TMEM121B: variants seen among roughly 807,000 people sequenced by gnomAD.
The protein encoded by TMEM121B is transmembrane protein 121B, also known as cat eye syndrome chromosome region, candidate 6.
TMEM121B carries 14 observed loss-of-function variants against 25.1 expected under a neutral mutation model. The observed-to-expected ratio is 0.56, with a 90% CI of 0.37 to 0.87. TMEM121B has a LOEUF of 0.87. Ranked by LOEUF, TMEM121B falls within the 40% of genes least tolerant of loss-of-function variation. The probability of loss-of-function intolerance (pLI) is 0.00; values close to 1 mark genes in which losing one functional copy is unlikely to be tolerated. For missense variants in TMEM121B, 850 were observed against 854.6 expected, an observed-to-expected ratio of 0.99 and a Z score of 0.07; for synonymous variants, 458 against 420.9, an observed-to-expected ratio of 1.09 and a Z score of -1.08.
At position 17,119,302 on chromosome 22, in the gene TMEM121B, A is replaced by G. The variant is rs2061483511; in HGVS notation, c.*89T>C. ...CTGAAAAGGGTTACCTCTTCCAAAT[A>G]GACCCTGATCAAATCTAGGTGACAG... On this transcript the variant is annotated 3_prime_UTR_variant, in exon 1 of 1. Transcript: ENST00000331437. The G allele has an allele frequency of 2.0e-6, 3 of 1,513,894 alleles. No homozygotes were observed. The highest frequency in any genetic ancestry group is 2.6e-6 in the Non-Finnish European group (3 of 1,135,952). The allele number at this position is 1,513,894 out of a possible 1,614,324, so 93.8% of individuals were successfully genotyped here.
Position 17,120,052 on chromosome 22 carries a change from G to C in TMEM121B, c.1076C>G (p.Ser359Trp). 6.2e-7 allele frequency: 1 copy of C among 1,610,480 alleles called. No individual in the cohort carries two copies. Among genetic ancestry groups the C allele is most frequent in the Non-Finnish European group, 8.5e-7 (1 of 1,179,556 alleles). Reference sequence around the variant, plus strand: ...CACCAAGCTGTAGAGCAGGGGCACCGACAGCGCCATGGTGAGACGGAAGCC... The same window carrying C: ...CACCAAGCTGTAGAGCAGGGGCACCCACAGCGCCATGGTGAGACGGAAGCC... ...TTGFRLTMAL[S>W]VPLLYSLVRA... is the part of the protein sequence containing the mutation. The change falls in exon 1 of 1, where the codon TCG becomes TGG. Residue 359 changes from serine (S) to tryptophan (W), a missense_variant. Ser to Trp is a radical substitution (Grantham distance 177, BLOSUM62 -3). Coordinates refer to ENST00000331437, the MANE Select transcript of TMEM121B (RefSeq NM_031890.4).
chr22:17,120,481 TC>T lies in TMEM121B; in HGVS notation c.646del (p.Asp216ThrfsTer116). 6.3e-7 allele frequency: 1 copy of T among 1,583,708 alleles called. No homozygotes were observed. The highest frequency in any genetic ancestry group is 8.6e-7 in the Non-Finnish European group (1 of 1,169,150). ...GTCGGTGACGGCGATGAGGTACAGG[TC>T]CAGCAGGCCGCCCTGCGCCAGCAGC... ...VLLLAQGGLL[D>X]LYLIAVTDLY... On this transcript the variant is annotated frameshift_variant, in exon 1 of 1. Coordinates refer to ENST00000331437, the MANE Select transcript of TMEM121B (RefSeq NM_031890.4). LOFTEE classifies it high-confidence loss of function.
rs2061489694 is a variant in TMEM121B at position 17,119,985 on chromosome 22, T to C, written c.1143A>G (p.Gly381=). The C allele has an allele frequency of 6.3e-7, 1 of 1,591,426 alleles. No homozygotes were observed. Among genetic ancestry groups the C allele is most frequent in the Admixed American group, 1.7e-5 (1 of 58,004 alleles). Residue 381 remains glycine (G), a synonymous_variant, in exon 1 of 1, where the codon GGA becomes GGG. Transcript: ENST00000331437. ...SEAGAPPGSA[G]PLLLQPQRHR... Reference sequence around the variant, plus strand: ...GCCGCTGGGGCTGCAGCAGCAGGGGTCCTGCCGATCCCGGGGGCGCGCCCG... The same window carrying C: ...GCCGCTGGGGCTGCAGCAGCAGGGGCCCTGCCGATCCCGGGGGCGCGCCCG...
chr22:17,121,188 GAGGCGGGCT>G lies in TMEM121B; in HGVS notation c.-70_-62del. The G allele has an allele frequency of 8.0e-7, 1 of 1,256,306 alleles. No homozygotes were observed. The highest frequency in any genetic ancestry group is 2.8e-5 in the South Asian group (1 of 35,468). The allele number at this position is 1,256,306 out of a possible 1,614,324, so 77.8% of individuals were successfully genotyped here. On this transcript the variant is annotated 5_prime_UTR_variant, in exon 1 of 1. Coordinates refer to ENST00000331437, the MANE Select transcript of TMEM121B (RefSeq NM_031890.4). ...CCCTCCCCGCCAACCCCGGGCGGGC[GAGGCGGGCT>G]AGGCGGCCGAGGGGAGCCGGGGCCC... is the stretch of plus-strand genomic sequence containing the variant.
In TMEM121B at chr22:17,116,638, G is replaced by T. The variant is rs1483926355; in HGVS notation, c.*2753C>A. 3 of 152,266 alleles carry T rather than the reference G, an allele frequency of 2.0e-5. No homozygotes were observed. Among genetic ancestry groups the T allele is most frequent in the Non-Finnish European group, 4.4e-5 (3 of 68,050 alleles). The allele number at this position is 152,266 out of a possible 1,614,324, so 9.4% of individuals were successfully genotyped here. A position where few individuals can be genotyped will look rare whatever the true frequency, so the allele number is the denominator to read the frequency against. On this transcript the variant is annotated 3_prime_UTR_variant, in exon 1 of 1. Coordinates refer to ENST00000331437, the MANE Select transcript of TMEM121B (RefSeq NM_031890.4). ...ATGCACGTGCTGGCACTGGCCTCAG[G>T]AGACAGTGCCCTGCCTTGGCTGTCA...
At position 17,120,673 on chromosome 22, in the gene TMEM121B, C is replaced by A; in HGVS notation, c.455G>T (p.Arg152Leu). The A allele has an allele frequency of 4.2e-6, 5 of 1,183,834 alleles. No homozygotes were observed. Among genetic ancestry groups the A allele is most frequent in the Non-Finnish European group, 5.2e-6 (5 of 958,686 alleles). 73.3% of individuals were successfully genotyped at this position (1,183,834 alleles called of 1,614,324 possible). ...GGTGCCGCCCGCGCCCCCCGCCGAG[C>A]GGCTCCCGGGGCCCCCGACGGCCCC... Reference protein sequence around the residue: ...AAGAVGGPGSRSAGGAGGTGT... With the variant: ...AAGAVGGPGSLSAGGAGGTGT... Residue 152 changes from arginine to leucine, a missense_variant, in exon 1 of 1, where the codon CGC becomes CTC. By Grantham distance (102) the Arg-to-Leu change is moderately radical. Transcript: ENST00000331437.
In TMEM121B at chr22:17,119,498, G is replaced by T; in HGVS notation, c.1630C>A (p.Pro544Thr). ...GAGCCTCCCTGAGGTGGTGGCGGAG[G>T]TGGTGGAGGGGCGGAGGGCGGAGCA... Reference protein sequence around the residue: ...YGAPPSAPPPPPPPPQGGSQL... With the variant: ...YGAPPSAPPPTPPPPQGGSQL... The change falls in exon 1 of 1, where the codon CCT becomes ACT. Residue 544 changes from proline (P) to threonine (T), a missense_variant. Physicochemically the swap from Pro to Thr is conservative, Grantham distance 38 (BLOSUM62 -1). Coordinates refer to ENST00000331437, the MANE Select transcript of TMEM121B (RefSeq NM_031890.4). 1 of 1,593,084 alleles carries T rather than the reference G, an allele frequency of 6.3e-7. No individual in the cohort carries two copies. The highest frequency in any genetic ancestry group is 8.5e-7 in the Non-Finnish European group (1 of 1,170,056).
In TMEM121B at chr22:17,121,119, CG is replaced by C; in HGVS notation, c.8del (p.Pro3ArgfsTer130). On this transcript the variant is annotated frameshift_variant, in exon 1 of 1. Coordinates refer to ENST00000331437, the MANE Select transcript of TMEM121B (RefSeq NM_031890.4). LOFTEE classifies it high-confidence loss of function. ...AGACCGAGCGAGGGTGGCCGAGCGC[CG>C]GGCGCATTGTCCTCCGAGGGGCTCT... The part of the protein sequence containing the change: MR[P>X]ALGHPRSVSS... 7.2e-7 allele frequency: 1 copy of C among 1,384,552 alleles called. No homozygotes were observed. The highest frequency in any genetic ancestry group is 9.4e-7 in the Non-Finnish European group (1 of 1,068,234). 85.8% of individuals were successfully genotyped at this position (1,384,552 alleles called of 1,614,324 possible).
chr22:17,120,333 C>T lies in TMEM121B; in HGVS notation c.795G>A (p.Leu265=). ...GAASGAHNHH[L]HHHHAAPPLH... Reference sequence around the variant, plus strand: ...GGGGCGGCGCGGCGTGGTGGTGGTGCAGGTGGTGGTTGTGCGCGCCGCTGG... The same window carrying T: ...GGGGCGGCGCGGCGTGGTGGTGGTGTAGGTGGTGGTTGTGCGCGCCGCTGG... The change falls in exon 1 of 1, where the codon CTG becomes CTA. Residue 265 remains leucine, a synonymous_variant. Coordinates refer to ENST00000331437, the MANE Select transcript of TMEM121B (RefSeq NM_031890.4). 1 of 1,508,596 alleles carries T rather than the reference C, an allele frequency of 6.6e-7. No homozygotes were observed. Among genetic ancestry groups the T allele is most frequent in the Non-Finnish European group, 8.8e-7 (1 of 1,134,346 alleles). 93.5% of individuals were successfully genotyped at this position (1,508,596 alleles called of 1,614,324 possible). A position where few individuals can be genotyped will look rare whatever the true frequency, so the allele number is the denominator to read the frequency against.
At position 17,120,496 on chromosome 22, in the gene TMEM121B, T is replaced by G; in HGVS notation, c.632A>C (p.Gln211Pro). The change falls in exon 1 of 1, where the codon CAG (glutamine) becomes CCG (proline). Residue 211 changes from glutamine to proline, a missense_variant. Gln to Pro is a moderately conservative substitution (Grantham distance 76). Transcript: ENST00000331437. ...QALSVVLLLA[Q>P]GGLLDLYLIA... ...GAGGTACAGGTCCAGCAGGCCGCCC[T>G]GCGCCAGCAGCAGCACCACGGACAG... 1 of 1,581,194 alleles carries G rather than the reference T, an allele frequency of 6.3e-7. No individual in the cohort carries two copies. Among genetic ancestry groups the G allele is most frequent in the Non-Finnish European group, 8.6e-7 (1 of 1,168,236 alleles).
In TMEM121B at chr22:17,120,079, G is replaced by A. The variant is rs775177525; in HGVS notation, c.1049C>T (p.Thr350Met). The A allele has an allele frequency of 1.2e-6, 2 of 1,611,372 alleles. No individual in the cohort carries two copies. Among genetic ancestry groups the A allele is most frequent in the African/African-American group, 1.3e-5 (1 of 75,040 alleles). ...CAGCGCCATGGTGAGACGGAAGCCC[G>A]TGGTGCCGAAGGGCGCGCGTAGCTC... ...LIELRAPFGT[T>M]GFRLTMALSV... Residue 350 changes from threonine (T) to methionine (M), a missense_variant, in exon 1 of 1, where the codon ACG (threonine) becomes ATG (methionine). Coordinates refer to ENST00000331437, the MANE Select transcript of TMEM121B (RefSeq NM_031890.4).
chr22:17,120,473 G>T lies in TMEM121B; in HGVS notation c.655C>A (p.Leu219Ile). The stretch of plus-strand genomic sequence containing the variant: ...CAGTACAGGTCGGTGACGGCGATGA[G>T]GTACAGGTCCAGCAGGCCGCCCTGC... The part of the protein sequence containing the change: ...LAQGGLLDLY[L>I]IAVTDLYWCS... Residue 219 changes from leucine to isoleucine, a missense_variant, in exon 1 of 1, where the codon CTC becomes ATC. Leu to Ile is a conservative substitution (Grantham distance 5). Transcript: ENST00000331437. The T allele has an allele frequency of 5.0e-6, 8 of 1,586,006 alleles. No individual in the cohort carries two copies. Among genetic ancestry groups the T allele is most frequent in the Non-Finnish European group, 6.8e-6 (8 of 1,170,098 alleles).
rs1340110156 is a variant in TMEM121B at position 17,119,525 on chromosome 22, C to T, written c.1603G>A (p.Gly535Ser). 6 of 1,565,146 alleles carry T rather than the reference C, an allele frequency of 3.8e-6. No individual in the cohort carries two copies. Among genetic ancestry groups the T allele is most frequent in the South Asian group, 1.2e-5 (1 of 85,376 alleles). The change falls in exon 1 of 1, where the codon GGT becomes AGT. Residue 535 changes from glycine to serine, a missense_variant. Physicochemically the swap from Gly to Ser is moderately conservative, Grantham distance 56. Transcript: ENST00000331437. Reference protein sequence around the residue: ...ASPSRARGGYGAPPSAPPPPP... With the variant: ...ASPSRARGGYSAPPSAPPPPP... ...GGTGGAGGGGCGGAGGGCGGAGCACCGTAGCCCCCTCTGGCCCGACTCGGG... is the reference window on the plus strand; with the variant it reads ...GGTGGAGGGGCGGAGGGCGGAGCACTGTAGCCCCCTCTGGCCCGACTCGGG...
rs2061476311 is a variant in TMEM121B at position 17,117,649 on chromosome 22, C to G, written c.*1742G>C. The G allele has an allele frequency of 6.6e-6, 1 of 152,418 alleles. No homozygotes were observed. Among genetic ancestry groups the G allele is most frequent in the Non-Finnish European group, 1.5e-5 (1 of 68,212 alleles). 9.4% of individuals were successfully genotyped at this position (152,418 alleles called of 1,614,324 possible). A position where few individuals can be genotyped will look rare whatever the true frequency, so the allele number is the denominator to read the frequency against. On this transcript the variant is annotated 3_prime_UTR_variant, in exon 1 of 1. Coordinates refer to ENST00000331437, the MANE Select transcript of TMEM121B (RefSeq NM_031890.4). ...CCTTCTCTGCTGGGGCTTCACACAC[C>G]CAGTACAGAGCAGGGAATGTTCTGC... is the stretch of plus-strand genomic sequence containing the variant.
rs759485113 is a variant in TMEM121B at position 17,120,492 on chromosome 22, G to A, written c.636C>T (p.Gly212=). The A allele has an allele frequency of 3.2e-6, 5 of 1,582,378 alleles. No homozygotes were observed. The South Asian group carries it at 4.5e-5, about 14-fold the overall frequency. Reference sequence around the variant, plus strand: ...CGATGAGGTACAGGTCCAGCAGGCCGCCCTGCGCCAGCAGCAGCACCACGG... The same window carrying A: ...CGATGAGGTACAGGTCCAGCAGGCCACCCTGCGCCAGCAGCAGCACCACGG... ...ALSVVLLLAQ[G]GLLDLYLIAV... is the part of the protein sequence containing the mutation. The change falls in exon 1 of 1, where the codon GGC becomes GGT. Residue 212 remains glycine (G), a synonymous_variant. Transcript: ENST00000331437.
chr22:17,121,160 G>C lies in TMEM121B; in HGVS notation c.-33C>G. On this transcript the variant is annotated 5_prime_UTR_variant, in exon 1 of 1. Coordinates refer to ENST00000331437, the MANE Select transcript of TMEM121B (RefSeq NM_031890.4). The stretch of plus-strand genomic sequence containing the variant: ...CGAGGGGCTCTGGGGCCGCCCAGCT[G>C]TTCCCTCCCCGCCAACCCCGGGCGG... 7.8e-7 allele frequency: 1 copy of C among 1,274,886 alleles called. No individual in the cohort carries two copies. The highest frequency in any genetic ancestry group is 9.9e-7 in the Non-Finnish European group (1 of 1,010,980). The allele number at this position is 1,274,886 out of a possible 1,614,324, so 79.0% of individuals were successfully genotyped here. A position where few individuals can be genotyped will look rare whatever the true frequency, so the allele number is the denominator to read the frequency against.
At position 17,120,427 on chromosome 22, in the gene TMEM121B, T is replaced by C; in HGVS notation, c.701A>G (p.Asp234Gly). 2 of 1,574,844 alleles carry C rather than the reference T, an allele frequency of 1.3e-6. No homozygotes were observed. The highest frequency in any genetic ancestry group is 1.1e-5 in the South Asian group (1 of 88,214). Residue 234 changes from aspartate (D) to glycine (G), a missense_variant, in exon 1 of 1, where the codon GAC becomes GGC. Asp to Gly is a moderately conservative substitution (Grantham distance 94). Transcript: ENST00000331437. ...DLYWCSWIAT[D>G]LVVVVGWAIF... ...GGCCCAGCCCACCACCACCACCAGGTCAGTGGCGATCCAGGAGCACCAGTA... is the reference window on the plus strand; with the variant it reads ...GGCCCAGCCCACCACCACCACCAGGCCAGTGGCGATCCAGGAGCACCAGTA...
Position 17,120,852 on chromosome 22 carries a change from G to A in TMEM121B, c.276C>T (p.Asn92=), listed in dbSNP as rs1209586557. 7.6e-7 allele frequency: 1 copy of A among 1,317,134 alleles called. No individual in the cohort carries two copies. The highest frequency in any genetic ancestry group is 9.7e-7 in the Non-Finnish European group (1 of 1,035,500). 81.6% of individuals were successfully genotyped at this position (1,317,134 alleles called of 1,614,324 possible). The change falls in exon 1 of 1, where the codon AAC becomes AAT. Residue 92 remains asparagine (N), a synonymous_variant. Transcript: ENST00000331437. ...SLSVSKPLVP[N]AALLGPPAQV... is the part of the protein sequence containing the mutation. ...GAGCCGGCGGCCCCAGGAGCGCGGC[G>A]TTGGGCACCAGCGGCTTGCTGACGC...
chr22:17,119,850 G>A lies in TMEM121B; in HGVS notation c.1278C>T (p.Tyr426=), dbSNP rs1370646722. ...TGAGGAAGTAGACGGCGATAAGCAG[G>A]TAGCGCAGGTGCGCGGGCAGCGGCA... is the stretch of plus-strand genomic sequence containing the variant. The part of the protein sequence containing the change: ...GRVPLPAHLR[Y]LLIAVYFLTL... Residue 426 remains tyrosine (Y), a synonymous_variant, in exon 1 of 1, where the codon TAC becomes TAT. Transcript: ENST00000331437. The A allele has an allele frequency of 6.3e-7, 1 of 1,584,422 alleles. No homozygotes were observed. Among genetic ancestry groups the A allele is most frequent in the East Asian group, 2.3e-5 (1 of 44,194 alleles).
Sources: gnomAD v4.1 joint callset for allele counts on GRCh38, gnomAD v4.1.1 for gene constraint, MANE v1.5 for transcripts, NCBI Gene and HGNC (gene_info 2026-07-23, HGNC 2026-07-21) for gene names.